Variants in KMT2E observed in about 807,000 individuals in gnomAD.
KMT2E encodes the protein histone reader KMT2E.
In KMT2E, 30 loss-of-function variants were observed where a neutral mutation model predicts 184.6. That is an observed-to-expected ratio of 0.16 (90% CI 0.12 to 0.22). KMT2E has a LOEUF of 0.22. KMT2E is among the 10% of genes least tolerant of loss of function. The probability of loss-of-function intolerance (pLI) is 1.00; values close to 1 mark genes in which losing one functional copy is unlikely to be tolerated. For synonymous variants in KMT2E, 815 were observed against 776.5 expected (o/e 1.05, Z -0.82); for missense variants, 2,023 against 2,237.4 (o/e 0.90, Z 1.93).
At chr7:105,098,481 C>T (rs1221627845) in intron 15 of KMT2E, among the ~76,000 whole-genome samples, 1 of 152,126 alleles carries the variant, frequency 6.6e-6, no homozygotes, top group African/African-American at 2.4e-5. Context: ...TCTCAGCTTA[C>T]TGCAACCTCC....
At chr7:105,087,094 A>G (rs1350626093) in intron 13 of KMT2E, among the ~76,000 whole-genome samples, 3 of 146,944 alleles carry the variant, frequency 2.0e-5, no homozygotes, top group Non-Finnish European at 4.5e-5. Flanking sequence ...AGCGTATGTA[A>G]TATACATTAT....
chr7:105,043,239 CTTTTTTT>C (rs756242064), intron 3 of KMT2E, among the ~76,000 whole-genome samples: 1 of 140,266 alleles, frequency 7.1e-6, no homozygotes, highest in Non-Finnish European at 1.6e-5. Flanking sequence ...TTCTTTTTTT[CTTTTTTT>C]TTTTTTTTGA....
chr7:105,063,867 G>A (rs7805792), intron 5 of KMT2E: 1 of 473,506 alleles, frequency 2.1e-6, no homozygotes, highest in Non-Finnish European at 3.9e-6. Flanking sequence ...CATAAACATA[G>A]CAGTAGACAA....
chr7:105,034,316 T>G (rs1235380564), intron 1 of KMT2E, among the ~76,000 whole-genome samples: 1 of 152,156 alleles, frequency 6.6e-6, no homozygotes, highest in African/African-American at 2.4e-5. Flanking sequence ...TGCTGTAATC[T>G]CAAACTCCTA....
intron 3 of KMT2E, among the ~76,000 whole-genome samples, chr7:105,049,073 T>C (rs867899259): frequency 2.0e-4 from 31 of 151,648 alleles, no homozygotes; most frequent in African/African-American, 7.3e-4. Flanking sequence ...AACATGGGAG[T>C]AATAGACCAA....
At chr7:105,083,297 T>C (rs1797831843) in intron 13 of KMT2E, among the ~76,000 whole-genome samples, 1 of 152,204 alleles carries the variant, frequency 6.6e-6, no homozygotes, top group African/African-American at 2.4e-5. Flanking sequence ...GAGTACTGTG[T>C]GTAATGAGCC....
intron 7 of KMT2E, among the ~76,000 whole-genome samples, chr7:105,073,887 T>C (rs553528254): frequency 1.3e-5 from 2 of 152,184 alleles, no homozygotes; most frequent in Admixed American, 1.3e-4. Flanking sequence ...CTTTGGGAAA[T>C]AAAATGGAAA....
At chr7:105,072,804 A>G (rs968460933) in intron 6 of KMT2E, among the ~76,000 whole-genome samples, 1 of 152,116 alleles carries the variant, frequency 6.6e-6, no homozygotes, top group East Asian at 1.9e-4. Context: ...AACCCCAGCT[A>G]CTTGGGAGGC....
chr7:105,095,900 A>G (rs888859739), intron 15 of KMT2E, among the ~76,000 whole-genome samples: 4 of 152,160 alleles, frequency 2.6e-5, no homozygotes, highest in African/African-American at 9.7e-5. Context: ...ACTGGGGGGT[A>G]TACCTGTAGC....
chr7:105,059,978 G>GTGTTT (rs1796734522), intron 3 of KMT2E, among the ~76,000 whole-genome samples: 1 of 51,764 alleles, frequency 1.9e-5, no homozygotes, highest in Non-Finnish European at 4.0e-5. Context: ...TCTTGTTGTT[G>GTGTTT]TTTTTTTTTT....
At chr7:105,088,032 A>G (rs1312295527) in intron 13 of KMT2E, among the ~76,000 whole-genome samples, 1 of 151,826 alleles carries the variant, frequency 6.6e-6, no homozygotes, top group African/African-American at 2.4e-5. Flanking sequence ...TTGCAGTCAG[A>G]TTTATCATAT....
intron 1 of KMT2E, among the ~76,000 whole-genome samples, chr7:105,031,373 T>A (rs1336256555): frequency 2.9e-5 from 1 of 34,724 alleles, no homozygotes; most frequent in African/African-American, 1.1e-4. Flanking sequence ...GGGGGGGTGG[T>A]GGGAGGGTGG....
intron 1 of KMT2E, among the ~76,000 whole-genome samples, chr7:105,017,528 C>T (rs1237362599): frequency 2.2e-5 from 3 of 133,390 alleles, no homozygotes; most frequent in African/African-American, 8.3e-5. Flanking sequence ...CTTTATAAAT[C>T]ACGAGGCTAT....
chr7:105,079,095 T>C, intron 12 of KMT2E, 132 bp downstream of exon 12: 1 of 518,520 alleles, frequency 1.9e-6, no homozygotes, highest in Non-Finnish European at 3.5e-6. Context: ...CTGCCCAGCC[T>C]GTTTTTTTGT....
chr7:105,027,991 A>G (rs1239218964), intron 1 of KMT2E, among the ~76,000 whole-genome samples: 2 of 152,260 alleles, frequency 1.3e-5, no homozygotes, highest in East Asian at 3.9e-4. Flanking sequence ...CTTAGTGGCC[A>G]ACAGTATTCT....
chr7:105,105,602 C>G lies in KMT2E; in HGVS notation c.2360C>G (p.Pro787Arg), dbSNP rs766536001. Residue 787 changes from proline to arginine, a missense_variant, in exon 18 of 27, where the codon CCT (proline) becomes CGT (arginine). Transcript: ENST00000311117. ...TACAGCCCCCATGTATACTCCACTC[C>G]TAAGCATTATATTAGATTTACTTCA... is the stretch of plus-strand genomic sequence containing the variant. ...LTYSPHVYSTPKHYIRFTSPF... is the reference protein window; with the variant it reads ...LTYSPHVYSTRKHYIRFTSPF... The G allele has an allele frequency of 5.0e-6, 8 of 1,613,598 alleles. No homozygotes were observed. Among genetic ancestry groups the G allele is most frequent in the African/African-American group, 1.3e-5 (1 of 75,028 alleles).
intron 13 of KMT2E, among the ~76,000 whole-genome samples, chr7:105,087,169 A>G (rs1309302676): frequency 6.8e-6 from 1 of 146,802 alleles, no homozygotes; most frequent in Non-Finnish European, 1.5e-5. Context: ...CTGGTATATA[A>G]TAAAATATAT....
intron 11 of KMT2E, among the ~76,000 whole-genome samples, chr7:105,078,491 C>A (rs1797622164): frequency 6.6e-6 from 1 of 151,810 alleles, no homozygotes; most frequent in Non-Finnish European, 1.5e-5. Context: ...AGATTATTGT[C>A]CTAAAATGTT....
chr7:105,034,693 C>A (rs1245814980), intron 1 of KMT2E, among the ~76,000 whole-genome samples: 5 of 151,988 alleles, frequency 3.3e-5, no homozygotes, highest in Non-Finnish European at 5.9e-5. Flanking sequence ...AATTTTATCA[C>A]CACAAGGATC....
Sources: allele counts gnomAD v4.1 joint callset (sites outside exome capture counted in the v4.1 genomes callset), GRCh38; gene constraint gnomAD v4.1.1; transcripts MANE v1.5; gene names NCBI Gene and HGNC (gene_info 2026-07-23, HGNC 2026-07-21).